The following PHF20L1 variants were observed in gnomAD, a reference collection of about 807,000 sequenced individuals.
The protein encoded by PHF20L1 is PHD finger protein 20 like 1, also known as PHD finger protein 20-like protein 1.
Under a neutral mutation model 125.5 loss-of-function variants are expected in PHF20L1, and 44 were observed. That is an observed-to-expected ratio of 0.35 (90% CI 0.28 to 0.45). The LOEUF (loss-of-function observed/expected upper bound fraction) is 0.45. Among genes scored for constraint, PHF20L1 ranks in the 20% least tolerant of loss-of-function variants. The pLI is 1.00. For synonymous variants in PHF20L1, 380 were observed against 403.1 expected (o/e 0.94, Z 0.69); for missense variants, 1,012 against 1,217.2 (o/e 0.83, Z 2.51).
rs1392697734 is a variant in PHF20L1 at position 132,843,089 on chromosome 8, A to C, written c.2748+214A>C. The C allele has an allele frequency of 4.0e-6, 5 of 1,262,832 alleles. No homozygotes were observed. In the East Asian group the frequency reaches 9.7e-5, roughly 25 times the overall value. 78.2% of individuals were successfully genotyped at this position (1,262,832 alleles called of 1,614,324 possible). A position where few individuals can be genotyped will look rare whatever the true frequency, so the allele number is the denominator to read the frequency against. On this transcript the variant is annotated intron_variant, in intron 19 of 20. Coordinates refer to ENST00000395386, the MANE Select transcript of PHF20L1 (RefSeq NM_016018.5). ...TCCTAATTCAGAATTGTAGTAATTC[A>C]ATAAACTGTTACTCTAACAAAAGTT...
chr8:132,777,822 T>A lies in PHF20L1; in HGVS notation c.-7T>A, dbSNP rs1236669985. ...GAAAAGAGAATACTGAAGAATAGGA[T>A]CTCAAGATGAGTAAAAAGCCCCCAA... On this transcript the variant is annotated 5_prime_UTR_variant, in exon 2 of 21. Transcript: ENST00000395386. 1 of 1,600,846 alleles carries A rather than the reference T, an allele frequency of 6.2e-7. No homozygotes were observed. The highest frequency in any genetic ancestry group is 1.7e-5 in the Admixed American group (1 of 59,964).
chr8:132,825,920 G>T lies in PHF20L1; in HGVS notation c.1744+549G>T, dbSNP rs1020850405. ...ACTTCCTTGTCAAGCCCTGATTTTG[G>T]ACTTCCAGCCTTCAGAACTTTGAGA... On this transcript the variant is annotated intron_variant, in intron 14 of 20. Coordinates refer to ENST00000395386, the MANE Select transcript of PHF20L1 (RefSeq NM_016018.5). Among the ~76,000 whole-genome samples, 9 of 152,004 alleles carry T rather than the reference G, an allele frequency of 5.9e-5. No individual in the cohort carries two copies. The South Asian group carries it at 6.2e-4, about 10-fold the overall frequency.
chr8:132,805,738 A>T (rs1473426944), intron 8 of PHF20L1, among the ~76,000 whole-genome samples: 1 of 151,930 alleles, frequency 6.6e-6, no homozygotes, highest in Non-Finnish European at 1.5e-5. Flanking sequence ...GGAGCTGAGG[A>T]TTGTTTAGAA....
chr8:132,799,052 G>T, intron 5 of PHF20L1, 43 bp from the exon 6 acceptor site: 1 of 1,532,788 alleles, frequency 6.5e-7, no homozygotes, highest in Non-Finnish European at 9.0e-7. Flanking sequence ...TGCTTCTTTG[G>T]TTTAGACCTG....
At position 132,844,091 on chromosome 8, in the gene PHF20L1, C is replaced by T. The variant is rs984842923; in HGVS notation, c.2749-65C>T. On this transcript the variant is annotated intron_variant, in intron 19 of 20. Coordinates refer to ENST00000395386, the MANE Select transcript of PHF20L1 (RefSeq NM_016018.5). ...CCAGTGATGAGGTGTTTCCTGTATCCTTAACTCAATGACTGCATTTCATCC... is the reference window on the plus strand; with the variant it reads ...CCAGTGATGAGGTGTTTCCTGTATCTTTAACTCAATGACTGCATTTCATCC... 24 of 1,593,742 alleles carry T rather than the reference C, an allele frequency of 1.5e-5. 1 individual carries two copies. Among genetic ancestry groups the T allele is most frequent in the African/African-American group, 4.0e-5 (3 of 74,230 alleles).
In PHF20L1 at chr8:132,812,710, A is replaced by T. The variant is rs1040973760; in HGVS notation, c.930+1582A>T. ...TATGTGTTAGCCTCGCTTCATAGTT[A>T]AAAAGCCGAGTTATAAAGCTCTTAA... On this transcript the variant is annotated intron_variant, in intron 9 of 20. Coordinates refer to ENST00000395386, the MANE Select transcript of PHF20L1 (RefSeq NM_016018.5). The T allele has an allele frequency of 8.1e-6, 8 of 984,644 alleles. No individual in the cohort carries two copies. In the African/African-American group the frequency reaches 1.2e-4, roughly 15 times the overall value. The allele number at this position is 984,644 out of a possible 1,614,324, so 61.0% of individuals were successfully genotyped here.
At chr8:132,776,509 C>A (rs1829790594) in intron 1 of PHF20L1, among the ~76,000 whole-genome samples, 1 of 152,168 alleles carries the variant, frequency 6.6e-6, no homozygotes, top group African/African-American at 2.4e-5. Flanking sequence ...TCCCTGTTAA[C>A]TTTTTAATGC....
intron 2 of PHF20L1, among the ~76,000 whole-genome samples, chr8:132,783,872 G>A (rs975327685): frequency 6.6e-6 from 1 of 152,104 alleles, no homozygotes; most frequent in Non-Finnish European, 1.5e-5. Context: ...TCTAGGTTAA[G>A]GACCCTTCTT....
Position 132,804,516 on chromosome 8 carries a change from C to G in PHF20L1, c.722-99C>G, listed in dbSNP as rs923421012. On this transcript the variant is annotated intron_variant, in intron 7 of 20. Transcript: ENST00000395386. ...TGTATCAAGTAGTAGATTAAAAAAACTAATGTGCAAAGCATTTTTACTATT... is the reference window on the plus strand; with the variant it reads ...TGTATCAAGTAGTAGATTAAAAAAAGTAATGTGCAAAGCATTTTTACTATT... 3.5e-6 allele frequency: 3 copies of G among 860,220 alleles called. No individual in the cohort carries two copies. In the African/African-American group the frequency reaches 5.2e-5, roughly 15 times the overall value. The allele number at this position is 860,220 out of a possible 1,614,324, so 53.3% of individuals were successfully genotyped here.
At chr8:132,834,007 C>A (rs1213573933) in intron 15 of PHF20L1, among the ~76,000 whole-genome samples, 3 of 152,038 alleles carry the variant, frequency 2.0e-5, no homozygotes, top group Non-Finnish European at 2.9e-5. Context: ...AATGCTGTCT[C>A]AGGAAATAGC....
intron 14 of PHF20L1, among the ~76,000 whole-genome samples, chr8:132,828,016 G>T (rs2131811627): frequency 6.6e-6 from 1 of 152,098 alleles, no homozygotes; most frequent in East Asian, 1.9e-4. Context: ...TCCCCAGATG[G>T]TTAAATTAGA....
intron 15 of PHF20L1, 145 bp from the exon 16 acceptor site, chr8:132,836,395 A>G (rs1837364329): frequency 3.3e-5 from 18 of 547,508 alleles, no homozygotes; most frequent in South Asian, 1.8e-4. Flanking sequence ...TCCAGAGACA[A>G]GTACAGTACA....
At chr8:132,843,434 T>G in intron 19 of PHF20L1, 1 of 980,722 alleles carries the variant, frequency 1.0e-6, no homozygotes, top group South Asian at 4.7e-5. Flanking sequence ...ATGAGGCCAC[T>G]TTAAAATTAG....
chr8:132,781,444 T>C (rs1830415346), intron 2 of PHF20L1, among the ~76,000 whole-genome samples: 1 of 152,176 alleles, frequency 6.6e-6, no homozygotes. Context: ...GACAGAGTCT[T>C]GCTCTTTCGC....
At chr8:132,783,713 A>G (rs1830692478) in intron 2 of PHF20L1, among the ~76,000 whole-genome samples, 1 of 152,182 alleles carries the variant, frequency 6.6e-6, no homozygotes, top group Non-Finnish European at 1.5e-5. Flanking sequence ...TTGTCTATAC[A>G]TAGAAAGTAA....
intron 1 of PHF20L1, among the ~76,000 whole-genome samples, chr8:132,777,109 G>A (rs572801369): frequency 3.3e-5 from 5 of 152,290 alleles, no homozygotes; most frequent in Admixed American, 2.6e-4. Flanking sequence ...GTTAACAAAA[G>A]CATGTTATTA....
At chr8:132,788,304 A>G (rs1294358899) in intron 2 of PHF20L1, among the ~76,000 whole-genome samples, 5 of 152,318 alleles carry the variant, frequency 3.3e-5, no homozygotes, top group Admixed American at 6.5e-5. Flanking sequence ...TAGACATCCT[A>G]TTGGCTTATC....
chr8:132,805,991 G>A (rs940092990), intron 8 of PHF20L1, among the ~76,000 whole-genome samples: 1 of 151,940 alleles, frequency 6.6e-6, no homozygotes, highest in Non-Finnish European at 1.5e-5. Context: ...TGAGACTTCA[G>A]TTTTGCCTTA....
intron 13 of PHF20L1, 143 bp from the exon 14 acceptor site, chr8:132,825,121 C>T (rs1470018658): frequency 1.9e-6 from 3 of 1,542,400 alleles, no homozygotes; most frequent in African/African-American, 2.7e-5. Flanking sequence ...AGAGTCATGA[C>T]ATGAACAGTT....
Sources: allele counts gnomAD v4.1 joint callset (sites outside exome capture counted in the v4.1 genomes callset), GRCh38; gene constraint gnomAD v4.1.1; transcripts MANE v1.5; gene names NCBI Gene and HGNC (gene_info 2026-07-23, HGNC 2026-07-21).